The following USH2A variants were observed in gnomAD, a reference collection of about 807,000 sequenced individuals.
USH2A encodes the protein usherin.
In USH2A, 443 loss-of-function variants were observed where a neutral mutation model predicts 538.9. That is an observed-to-expected ratio of 0.82 (90% CI 0.76 to 0.89). USH2A has a LOEUF of 0.89. Ranked by LOEUF, USH2A falls within the 40% of genes least tolerant of loss-of-function variation. The pLI is 0.00. For missense variants in USH2A, 6,633 were observed against 6,324.8 expected, an observed-to-expected ratio of 1.05 and a Z score of -1.65; for synonymous variants, 2,413 against 2,273.5, an observed-to-expected ratio of 1.06 and a Z score of -1.75.
At chr1:216,222,280 T>C (rs965263331) in intron 14 of USH2A, among the ~76,000 whole-genome samples, 1 of 152,184 alleles carries the variant, frequency 6.6e-6, no homozygotes, top group African/African-American at 2.4e-5. Context: ...GTAACTCAAC[T>C]CTGCTGCTGT....
At chr1:216,151,701 ACT>A (rs1400532016) in intron 21 of USH2A, among the ~76,000 whole-genome samples, 1 of 151,926 alleles carries the variant, frequency 6.6e-6, no homozygotes, top group Non-Finnish European at 1.5e-5. Flanking sequence ...AAAAAGGAGG[ACT>A]CTGCATATTC....
intron 9 of USH2A, among the ~76,000 whole-genome samples, chr1:216,312,497 T>C (rs1249102547): frequency 6.6e-6 from 1 of 152,164 alleles, no homozygotes; most frequent in African/African-American, 2.4e-5. Flanking sequence ...TTTTTCTTTT[T>C]ACCTTTCTAT....
At position 216,030,393 on chromosome 1, in the gene USH2A, G is replaced by GAT. The variant is rs576977564; in HGVS notation, c.6325+16036_6325+16037dup. Among the ~76,000 whole-genome samples, 7 of 128,116 alleles carry GAT rather than the reference G, an allele frequency of 5.5e-5. No homozygotes were observed. In the South Asian group the frequency reaches 1.0e-3, roughly 18 times the overall value. 84.0% of individuals were successfully genotyped at this position (128,116 alleles called of 152,430 possible). A position where few individuals can be genotyped will look rare whatever the true frequency, so the allele number is the denominator to read the frequency against. On this transcript the variant is annotated intron_variant, in intron 32 of 71. Coordinates refer to ENST00000307340, the MANE Select transcript of USH2A (RefSeq NM_206933.4). Reference sequence around the variant, plus strand: ...ATATGATATATAGATATACATCACAGATATATATATGATATATAGATATAT... The same window carrying GAT: ...ATATGATATATAGATATACATCACAGATATATATATATGATATATAGATATAT...
intron 9 of USH2A, among the ~76,000 whole-genome samples, chr1:216,297,558 G>C (rs560797557): frequency 5.9e-5 from 9 of 152,208 alleles, no homozygotes; most frequent in African/African-American, 2.2e-4. Context: ...GAAAAAGAAG[G>C]AAGAGAGGGG....
At chr1:215,916,677 G>C (rs1665962704) in intron 38 of USH2A, among the ~76,000 whole-genome samples, 1 of 152,090 alleles carries the variant, frequency 6.6e-6, no homozygotes, top group African/African-American at 2.4e-5. Context: ...GAATGGAAAA[G>C]AAGCAAGAAT....
At chr1:216,349,512 G>A (rs2038237420) in intron 4 of USH2A, among the ~76,000 whole-genome samples, 1 of 152,134 alleles carries the variant, frequency 6.6e-6, no homozygotes. Flanking sequence ...ACAGATTGCA[G>A]TAAAGAAGCC....
intron 37 of USH2A, among the ~76,000 whole-genome samples, chr1:215,946,605 A>C (rs1666763114): frequency 6.6e-6 from 1 of 152,194 alleles, no homozygotes; most frequent in Admixed American, 6.5e-5. Flanking sequence ...TTTGGCATTG[A>C]TTTAACTTTT....
At chr1:215,661,318 G>C (rs1657427562) in intron 64 of USH2A, among the ~76,000 whole-genome samples, 1 of 152,122 alleles carries the variant, frequency 6.6e-6, no homozygotes, top group Non-Finnish European at 1.5e-5. Flanking sequence ...TTGATCAAAG[G>C]GAAGAGAGAG....
At chr1:215,779,346 TA>T (rs1267555441) in intron 55 of USH2A, among the ~76,000 whole-genome samples, 1 of 152,114 alleles carries the variant, frequency 6.6e-6, no homozygotes, top group East Asian at 1.9e-4. Flanking sequence ...AACATTATAA[TA>T]AATTAAAAAA....
intron 11 of USH2A, among the ~76,000 whole-genome samples, chr1:216,253,133 T>C (rs1225050216): frequency 6.6e-6 from 1 of 151,728 alleles, no homozygotes; most frequent in Non-Finnish European, 1.5e-5. Flanking sequence ...TTATCTTTTA[T>C]ATGTTTTGTT....
At chr1:215,982,819 G>A (rs1365091998) in intron 35 of USH2A, among the ~76,000 whole-genome samples, 2 of 152,184 alleles carry the variant, frequency 1.3e-5, no homozygotes, top group Non-Finnish European at 2.9e-5. Flanking sequence ...AGGATGTAAA[G>A]TTTACTTTTT....
chr1:216,141,246 A>G (rs2033596478), intron 21 of USH2A, among the ~76,000 whole-genome samples: 1 of 152,208 alleles, frequency 6.6e-6, no homozygotes, highest in South Asian at 2.1e-4. Flanking sequence ...AAGAAAACAA[A>G]AATTGCAGCC....
chr1:216,112,381 A>C (rs529090962), intron 21 of USH2A, among the ~76,000 whole-genome samples: 3 of 152,328 alleles, frequency 2.0e-5, no homozygotes, highest in Non-Finnish European at 2.9e-5. Context: ...GGAAAAAAAC[A>C]AGAATAATGT....
chr1:216,067,455 G>A (rs1311802302), intron 30 of USH2A, among the ~76,000 whole-genome samples: 2 of 148,900 alleles, frequency 1.3e-5, no homozygotes, highest in Admixed American at 6.7e-5. Flanking sequence ...AGAGGGACAT[G>A]ATGTTGGATG....
At chr1:215,671,925 C>T (rs1305979497) in intron 63 of USH2A, among the ~76,000 whole-genome samples, 2 of 152,124 alleles carry the variant, frequency 1.3e-5, no homozygotes, top group Non-Finnish European at 1.5e-5. Context: ...TCACCTGATA[C>T]CTAACAGCTT....
At chr1:215,816,054 G>A (rs1016728056) in intron 48 of USH2A, among the ~76,000 whole-genome samples, 5 of 152,064 alleles carry the variant, frequency 3.3e-5, no homozygotes, top group African/African-American at 4.8e-5. Flanking sequence ...AGTGAATTCC[G>A]TATTTTGCCA....
intron 27 of USH2A, among the ~76,000 whole-genome samples, chr1:216,075,308 G>C (rs956564374): frequency 2.0e-5 from 3 of 152,168 alleles, no homozygotes; most frequent in African/African-American, 4.8e-5. Flanking sequence ...AGTTAAGGTT[G>C]TCCCGTGCTT....
intron 49 of USH2A, among the ~76,000 whole-genome samples, chr1:215,804,025 A>C (rs1276061711): frequency 2.0e-5 from 3 of 152,150 alleles, no homozygotes; most frequent in Non-Finnish European, 4.4e-5. Flanking sequence ...CAAAAACAAG[A>C]AATGGGAAAA....
At chr1:216,114,492 T>A (rs1472157890) in intron 21 of USH2A, among the ~76,000 whole-genome samples, 3 of 152,162 alleles carry the variant, frequency 2.0e-5, no homozygotes, top group Non-Finnish European at 2.9e-5. Flanking sequence ...CACTTATTAT[T>A]TTTGTCTTAG....
Sources: allele counts gnomAD v4.1 joint callset (sites outside exome capture counted in the v4.1 genomes callset), GRCh38; gene constraint gnomAD v4.1.1; transcripts MANE v1.5; gene names NCBI Gene and HGNC (gene_info 2026-07-23, HGNC 2026-07-21).